Variants in PLB1 observed in about 807,000 individuals in gnomAD.
PLB1 encodes the protein phospholipase B1, membrane-associated.
A neutral mutation model predicts 227.4 loss-of-function variants in PLB1; 242 were observed. The observed-to-expected ratio is 1.06, with a 90% CI of 0.96 to 1.18. The LOEUF (loss-of-function observed/expected upper bound fraction) is 1.18, where lower values mean the gene tolerates loss of function less well. Ranked by LOEUF, PLB1 falls within the 50% of genes most tolerant of loss-of-function variation. The probability of loss-of-function intolerance (pLI) is 0.00; values close to 1 mark genes in which losing one functional copy is unlikely to be tolerated. For missense variants in PLB1, 1,858 were observed against 1,816.3 expected, an observed-to-expected ratio of 1.02 and a Z score of -0.42; for synonymous variants, 757 against 682.2, an observed-to-expected ratio of 1.11 and a Z score of -1.71.
In PLB1 at chr2:28,620,959, G is replaced by A; in HGVS notation, c.3508G>A (p.Ala1170Thr). The A allele has an allele frequency of 6.2e-7, 1 of 1,612,948 alleles. No homozygotes were observed. The highest frequency in any genetic ancestry group is 8.5e-7 in the Non-Finnish European group (1 of 1,179,266). Residue 1170 changes from alanine to threonine, a missense_variant, in exon 49 of 58, where the codon GCG (alanine) becomes ACG (threonine). Ala to Thr is a moderately conservative substitution (Grantham distance 58). Coordinates refer to ENST00000327757, the MANE Select transcript of PLB1 (RefSeq NM_153021.5). ...GGGGACAGCAGGACTAAATGTGGCA[G>A]CGGAAGGGGCCAGAGCTAGGTGAGT... ...WEGTAGLNVA[A>T]EGARARDMPA...
intron 8 of PLB1, among the ~76,000 whole-genome samples, chr2:28,530,333 C>T (rs1670853724): frequency 6.6e-6 from 1 of 152,148 alleles, no homozygotes; most frequent in Non-Finnish European, 1.5e-5. Flanking sequence ...GGGTAAGGCA[C>T]TTACCTCCCT....
chr2:28,640,286 G>A (rs1416347594), intron 56 of PLB1, among the ~76,000 whole-genome samples: 2 of 152,184 alleles, frequency 1.3e-5, no homozygotes, highest in African/African-American at 4.8e-5. Flanking sequence ...AAAGGTGCCG[G>A]GGAGGGGGAT....
intron 21 of PLB1, 147 bp from the exon 22 acceptor site, chr2:28,577,958 GAA>G: frequency 2.6e-6 from 2 of 760,948 alleles, no homozygotes; most frequent in Non-Finnish European, 4.6e-6. Context: ...GAATGGGGAA[GAA>G]GCTCTGCGAC....
rs1238236410 is a variant in PLB1, at chr2:28,549,067, T to G, written c.1008+136T>G. 4.0e-6 allele frequency: 3 copies of G among 751,122 alleles called. No homozygotes were observed. The Admixed American group carries it at 6.8e-5, about 17-fold the overall frequency. 46.5% of individuals were successfully genotyped at this position (751,122 alleles called of 1,614,324 possible). On this transcript the variant is annotated intron_variant, in intron 15 of 57. Coordinates refer to ENST00000327757, the MANE Select transcript of PLB1 (RefSeq NM_153021.5). Reference sequence around the variant, plus strand: ...CTGTTCTTCTGGGCCTGCACACAGTTTTGCATACATAGCAGCCCTAATGTT... The same window carrying G: ...CTGTTCTTCTGGGCCTGCACACAGTGTTGCATACATAGCAGCCCTAATGTT...
At chr2:28,612,315 C>T (rs887246497) in intron 43 of PLB1, among the ~76,000 whole-genome samples, 1 of 152,212 alleles carries the variant, frequency 6.6e-6, no homozygotes, top group Non-Finnish European at 1.5e-5. Context: ...GAGTCCCTCT[C>T]TTCCTTTCCC....
intron 21 of PLB1, among the ~76,000 whole-genome samples, chr2:28,576,597 G>A (rs1256115103): frequency 6.6e-6 from 1 of 152,178 alleles, no homozygotes; most frequent in South Asian, 2.1e-4. Context: ...GGGTGTGGTG[G>A]CGGGTGCCTG....
In PLB1 at chr2:28,525,888, C is replaced by G; in HGVS notation, c.285-17C>G. On this transcript the variant is annotated splice_polypyrimidine_tract_variant and intron_variant, in intron 5 of 57. Transcript: ENST00000327757. ...ACAAATGCAGCCTGACACTCACATG[C>G]CTGCTTCTACCTGCAGGACTGAAAG... 2 of 1,613,826 alleles carry G rather than the reference C, an allele frequency of 1.2e-6. No individual in the cohort carries two copies. The highest frequency in any genetic ancestry group is 1.7e-6 in the Non-Finnish European group (2 of 1,179,864).
Position 28,590,034 on chromosome 2 carries a change from T to C in PLB1, c.2046T>C (p.Arg682=), listed in dbSNP as rs570808296. The change falls in exon 29 of 58, where the codon CGT becomes CGC. Residue 682 remains arginine (R), a synonymous_variant. Coordinates refer to ENST00000327757, the MANE Select transcript of PLB1 (RefSeq NM_153021.5). ...AGCCTGTTGGCCAGAAGACGACTCG[T>C]CATAAGTTTGAAAACAAGATCAATA... ...MLEPVGQKTT[R]HKFENKINIT... 80 of 1,613,844 alleles carry C rather than the reference T, an allele frequency of 5.0e-5. 2 individuals carry two copies. The South Asian group carries it at 7.8e-4, about 16-fold the overall frequency.
At chr2:28,519,834 T>G (rs919215361) in intron 4 of PLB1, 71 bp downstream of exon 4, 137 of 1,241,690 alleles carry the variant, frequency 1.1e-4, no homozygotes, top group Non-Finnish European at 9.1e-5. Context: ...GGGCTCCTGG[T>G]AACTGGGCAG....
chr2:28,581,464 T>G (rs1679926364), intron 23 of PLB1, among the ~76,000 whole-genome samples: 4 of 143,586 alleles, frequency 2.8e-5, no homozygotes, highest in African/African-American at 5.4e-5. Context: ...GGATATGGAG[T>G]AGATCCAGAG....
At chr2:28,525,838 A>C in intron 5 of PLB1, 67 bp from the exon 6 acceptor site, 1 of 1,580,610 alleles carries the variant, frequency 6.3e-7, no homozygotes, top group South Asian at 1.1e-5. Context: ...ACCACAGCCA[A>C]GGGGAAGGGC....
At chr2:28,635,810 A>T (rs946869313) in intron 56 of PLB1, among the ~76,000 whole-genome samples, 4 of 151,910 alleles carry the variant, frequency 2.6e-5, no homozygotes, top group African/African-American at 7.3e-5. Context: ...CTAGTCCTCT[A>T]CTGCTGCCTC....
intron 10 of PLB1, 85 bp downstream of exon 10, chr2:28,538,466 C>A (rs1672011596): frequency 6.2e-6 from 8 of 1,280,636 alleles, no homozygotes; most frequent in African/African-American, 1.5e-5. Flanking sequence ...GGAAATGGAC[C>A]CCTGTGAGGG....
Position 28,566,918 on chromosome 2 carries a change from G to T in PLB1, c.1324+79G>T, listed in dbSNP as rs1053303881. ...TCCCGCTCCCCCTGCAGGTGGCGCG[G>T]GCCTCGGGAGGAGCCCCGGCTGCAG... On this transcript the variant is annotated intron_variant, in intron 20 of 57. Transcript: ENST00000327757. The T allele has an allele frequency of 8.5e-6, 13 of 1,534,116 alleles. No individual in the cohort carries two copies. The Admixed American group carries it at 2.0e-4, about 24-fold the overall frequency.
rs765022412 is a variant in PLB1 at position 28,505,958 on chromosome 2, G to T, written c.55+9789G>T. 4.6e-5 allele frequency among the ~76,000 whole-genome samples: 7 copies of T among 152,130 alleles called. No individual in the cohort carries two copies. In the South Asian group the frequency reaches 1.5e-3, roughly 32 times the overall value. The stretch of plus-strand genomic sequence containing the variant: ...CTCACACACTTGTCTCCAAATGTCT[G>T]CTTTGGACACTGAGCACAGGTATGG... On this transcript the variant is annotated intron_variant, in intron 1 of 57. Transcript: ENST00000327757.
rs770190040 is a variant in PLB1 at position 28,602,816 on chromosome 2, C to T, written c.2674-5C>T. ...CCCCCCTCTCATCTGCAGCTTTTCC[C>T]TTAGGTGCCCAGAGTCCTGGTCAAC... On this transcript the variant is annotated splice_region_variant and splice_polypyrimidine_tract_variant and intron_variant, in intron 38 of 57. Coordinates refer to ENST00000327757, the MANE Select transcript of PLB1 (RefSeq NM_153021.5). 2 of 1,613,768 alleles carry T rather than the reference C, an allele frequency of 1.2e-6. No individual in the cohort carries two copies. The highest frequency in any genetic ancestry group is 8.5e-7 in the Non-Finnish European group (1 of 1,179,698).
chr2:28,599,426 G>A (rs1331884032), intron 35 of PLB1, among the ~76,000 whole-genome samples: 1 of 152,202 alleles, frequency 6.6e-6, no homozygotes, highest in Non-Finnish European at 1.5e-5. Context: ...GTTGAGGGGT[G>A]TGGCCCCCAG....
chr2:28,501,523 T>C (rs1054989199), intron 1 of PLB1, among the ~76,000 whole-genome samples: 1 of 152,174 alleles, frequency 6.6e-6, no homozygotes, highest in Admixed American at 6.5e-5. Context: ...TTTTACTAAG[T>C]CTTTTCAATA....
chr2:28,591,172 G>A lies in PLB1; in HGVS notation c.2127+1G>A, dbSNP rs760022335. 1.2e-5 allele frequency: 19 copies of A among 1,614,076 alleles called. No homozygotes were observed. The South Asian group carries it at 2.1e-4, about 18-fold the overall frequency. ...GAGGACCTACAAGAACAGCATGCAG[G>A]TACCTGCCTCTTGCCTCCTCTTGAC... On this transcript the variant is annotated splice_donor_variant, in intron 30 of 57. Coordinates refer to ENST00000327757, the MANE Select transcript of PLB1 (RefSeq NM_153021.5). LOFTEE classifies it high-confidence loss of function.
Sources: allele counts gnomAD v4.1 joint callset (sites outside exome capture counted in the v4.1 genomes callset), GRCh38; gene constraint gnomAD v4.1.1; transcripts MANE v1.5; gene names NCBI Gene and HGNC (gene_info 2026-07-23, HGNC 2026-07-21).